The following ASCC3 variants were observed in gnomAD, a reference collection of about 807,000 sequenced individuals.
ASCC3 encodes ASC-1 complex subunit P200.
A neutral mutation model predicts 256.3 loss-of-function variants in ASCC3; 158 were observed. That is an observed-to-expected ratio of 0.62 (90% CI 0.54 to 0.70). The LOEUF is 0.70. Among genes scored for constraint, ASCC3 ranks in the 30% least tolerant of loss-of-function variants. The pLI, the probability that ASCC3 is intolerant of heterozygous loss-of-function variation, is 0.00. For missense variants in ASCC3, 2,259 were observed against 2,626.0 expected, an observed-to-expected ratio of 0.86 and a Z score of 3.05; for synonymous variants, 948 against 883.4, an observed-to-expected ratio of 1.07 and a Z score of -1.30.
chr6:100,602,462 C>CA (rs146986260), intron 33 of ASCC3, among the ~76,000 whole-genome samples: 2,797 of 149,274 alleles, frequency 0.019, 70 homozygotes, highest in African/African-American at 0.065. Flanking sequence ...TACAAGCTGA[C>CA]AAAAAAAAAG....
intron 37 of ASCC3, among the ~76,000 whole-genome samples, chr6:100,527,733 A>G (rs949679896): frequency 2.6e-5 from 4 of 152,158 alleles, no homozygotes; most frequent in Admixed American, 2.0e-4. Flanking sequence ...ATTTTTAATG[A>G]AAAATACCCA....
chr6:100,835,488 T>C (rs1771831659), intron 4 of ASCC3, among the ~76,000 whole-genome samples: 1 of 152,192 alleles, frequency 6.6e-6, no homozygotes, highest in African/African-American at 2.4e-5. Context: ...CTTCTGCACA[T>C]GAATATCCAG....
rs1771202719 is a variant in ASCC3, at chr6:100,580,917, A to AC, written c.5550+8716_5550+8717insG. On this transcript the variant is annotated intron_variant, in intron 36 of 41. Coordinates refer to ENST00000369162, the MANE Select transcript of ASCC3 (RefSeq NM_006828.4). ...TCCCTACAAAGGACATGAACTCATC[A>AC]TTTTTATGGCTGCATAGTATTCCAT... 7.9e-5 allele frequency among the ~76,000 whole-genome samples: 12 copies of AC among 152,008 alleles called. No individual in the cohort carries two copies. The South Asian group carries it at 2.5e-3, about 32-fold the overall frequency.
At chr6:100,822,622 C>G (rs846800) in intron 4 of ASCC3, among the ~76,000 whole-genome samples, 88,076 of 151,478 alleles carry the variant, frequency 0.58, 26,163 homozygotes, top group East Asian at 0.72. Context: ...TGAGATACAA[C>G]CTCTGTGCTT....
chr6:100,655,951 G>T (rs1446403621), intron 16 of ASCC3, 133 bp from the exon 17 acceptor site: 2 of 971,562 alleles, frequency 2.1e-6, no homozygotes, highest in Admixed American at 1.9e-5. Flanking sequence ...TAGGCATAGT[G>T]ACTGGACACA....
chr6:100,607,155 T>G (rs1326790225), intron 30 of ASCC3, 67 bp from the exon 31 acceptor site: 4 of 1,520,798 alleles, frequency 2.6e-6, no homozygotes, highest in Non-Finnish European at 3.6e-6. Context: ...ATTTTTCATG[T>G]TTCAAAAAAC....
chr6:100,718,674 C>T (rs1340132976), intron 11 of ASCC3, among the ~76,000 whole-genome samples: 1 of 151,996 alleles, frequency 6.6e-6, no homozygotes, highest in African/African-American at 2.4e-5. Flanking sequence ...GTGGGAGGAT[C>T]ACTTGAGCCC....
chr6:100,796,701 G>C (rs1769634100), intron 8 of ASCC3, among the ~76,000 whole-genome samples: 1 of 152,102 alleles, frequency 6.6e-6, no homozygotes, highest in Non-Finnish European at 1.5e-5. Flanking sequence ...AAATCTGCTA[G>C]CACCACCTGA....
intron 14 of ASCC3, among the ~76,000 whole-genome samples, chr6:100,664,956 G>T (rs748879225): frequency 2.0e-5 from 3 of 152,284 alleles, no homozygotes; most frequent in Non-Finnish European, 4.4e-5. Context: ...TGGGCTCCCT[G>T]CATTGAAATG....
intron 36 of ASCC3, among the ~76,000 whole-genome samples, chr6:100,576,864 A>G (rs912131757): frequency 6.6e-6 from 1 of 151,948 alleles, no homozygotes; most frequent in African/African-American, 2.4e-5. Flanking sequence ...GCTTCAAGGA[A>G]AGAAGAATAA....
chr6:100,723,804 A>G (rs1779457273), intron 11 of ASCC3, among the ~76,000 whole-genome samples: 1 of 147,130 alleles, frequency 6.8e-6, no homozygotes, highest in South Asian at 2.1e-4. Flanking sequence ...TGTTTATGGG[A>G]TATCAGAGTA....
intron 10 of ASCC3, among the ~76,000 whole-genome samples, chr6:100,737,382 T>C (rs957530795): frequency 3.9e-5 from 6 of 151,970 alleles, no homozygotes; most frequent in Non-Finnish European, 7.4e-5. Flanking sequence ...ATGCTCTCCC[T>C]CCCTCACCCC....
intron 39 of ASCC3, among the ~76,000 whole-genome samples, chr6:100,513,237 C>CT (rs1465823452): frequency 6.6e-6 from 1 of 152,116 alleles, no homozygotes; most frequent in Admixed American, 6.5e-5. Flanking sequence ...GAATATTGTG[C>CT]TTTTAGTCTT....
At chr6:100,825,255 CTA>C (rs1039223789) in intron 4 of ASCC3, among the ~76,000 whole-genome samples, 1 of 149,230 alleles carries the variant, frequency 6.7e-6, no homozygotes, top group African/African-American at 2.5e-5. Flanking sequence ...TCTTAAAACA[CTA>C]TGAGATTCTT....
chr6:100,604,402 AT>A (rs1006044585), intron 33 of ASCC3, among the ~76,000 whole-genome samples: 25 of 149,308 alleles, frequency 1.7e-4, no homozygotes, highest in Admixed American at 2.0e-4. Flanking sequence ...TTAATTCGCT[AT>A]TTTTTTTTCT....
At chr6:100,522,387 G>A (rs1233372395) in intron 37 of ASCC3, among the ~76,000 whole-genome samples, 1 of 151,878 alleles carries the variant, frequency 6.6e-6, no homozygotes, top group East Asian at 1.9e-4. Flanking sequence ...AAAACAATAG[G>A]GTTTTCATTT....
intron 14 of ASCC3, among the ~76,000 whole-genome samples, chr6:100,678,571 A>C (rs978072089): frequency 6.6e-6 from 1 of 152,088 alleles, no homozygotes; most frequent in African/African-American, 2.4e-5. Context: ...TACTAGGATA[A>C]TAAATATAAA....
rs558788498 is a variant in ASCC3 at position 100,625,004 on chromosome 6, T to C, written c.4785+188A>G. 3.3e-5 allele frequency among the ~76,000 whole-genome samples: 5 copies of C among 152,038 alleles called. No homozygotes were observed. In the South Asian group the frequency reaches 8.3e-4, roughly 25 times the overall value. On this transcript the variant is annotated intron_variant, in intron 30 of 41. Coordinates refer to ENST00000369162, the MANE Select transcript of ASCC3 (RefSeq NM_006828.4). Reference sequence around the variant, plus strand: ...ACGTTAAAGGAAAAAATTATAAATATGAATATACAAAATAAATATTAAGTG... The same window carrying C: ...ACGTTAAAGGAAAAAATTATAAATACGAATATACAAAATAAATATTAAGTG...
chr6:100,828,230 A>G (rs1771426400), intron 4 of ASCC3, among the ~76,000 whole-genome samples: 1 of 152,228 alleles, frequency 6.6e-6, no homozygotes, highest in South Asian at 2.1e-4. Context: ...ATTTAGCCTA[A>G]TATGTAACTG....
Sources: allele counts gnomAD v4.1 joint callset (sites outside exome capture counted in the v4.1 genomes callset), GRCh38; gene constraint gnomAD v4.1.1; transcripts MANE v1.5; gene names NCBI Gene and HGNC (gene_info 2026-07-23, HGNC 2026-07-21).